RAB11FIP5: variants seen among roughly 807,000 people sequenced by gnomAD.
RAB11FIP5 encodes the protein RAB11 family interacting protein 5, also known as rab11 family-interacting protein 5.
RAB11FIP5 carries 48 observed loss-of-function variants against 85.1 expected under a neutral mutation model. The ratio of observed to expected loss-of-function variants is 0.56; its 90% CI spans 0.45 to 0.72. The LOEUF (loss-of-function observed/expected upper bound fraction) is 0.72. RAB11FIP5 is among the 30% of genes least tolerant of loss of function. The pLI, the probability that RAB11FIP5 is intolerant of heterozygous loss-of-function variation, is 0.00. For missense variants in RAB11FIP5, 1,491 were observed against 1,687.0 expected (o/e 0.88, Z 2.04); for synonymous variants, 729 against 727.3 (o/e 1.00, Z -0.04).
At position 73,089,591 on chromosome 2, in the gene RAB11FIP5, C is replaced by T. The variant is rs1684168557; in HGVS notation, c.432-276G>A. The T allele has an allele frequency of 1.4e-5, 7 of 515,924 alleles. No homozygotes were observed. The East Asian group carries it at 2.6e-4, about 19-fold the overall frequency. 32.0% of individuals were successfully genotyped at this position (515,924 alleles called of 1,614,324 possible). Reference sequence around the variant, plus strand: ...GGCGGCGGTTACCACACCATGCCTCCTCCCACCCCAGGACCTTCTCCTGGT... The same window carrying T: ...GGCGGCGGTTACCACACCATGCCTCTTCCCACCCCAGGACCTTCTCCTGGT... On this transcript the variant is annotated intron_variant, in intron 1 of 5. Coordinates refer to ENST00000486777, the MANE Select transcript of RAB11FIP5 (RefSeq NM_001371272.1). The surrounding 1 kb of genome is among the most constrained non-coding windows in gnomAD (Gnocchi z 4.6).
At chr2:73,106,428 C>G (rs1558524399) in intron 1 of RAB11FIP5, among the ~76,000 whole-genome samples, 1 of 152,200 alleles carries the variant, frequency 6.6e-6, no homozygotes, top group Non-Finnish European at 1.5e-5. Context: ...GTCTAGGCCC[C>G]AAAACACAGC....
intron 1 of RAB11FIP5, 47 bp downstream of exon 1, chr2:73,112,300 C>G (rs1438866049): frequency 3.3e-6 from 5 of 1,496,820 alleles, no homozygotes; most frequent in African/African-American, 1.4e-5. Context: ...CCAGCCCCGC[C>G]CTGTTAGGCC....
intron 1 of RAB11FIP5, among the ~76,000 whole-genome samples, chr2:73,111,462 C>T (rs1374156820): frequency 3.9e-5 from 6 of 152,292 alleles, no homozygotes; most frequent in South Asian, 4.1e-4. Context: ...CTGTCAGCCC[C>T]GGGGACTGGC....
At chr2:73,106,951 G>A (rs907482118) in intron 1 of RAB11FIP5, among the ~76,000 whole-genome samples, 7 of 152,016 alleles carry the variant, frequency 4.6e-5, no homozygotes, top group African/African-American at 1.7e-4. Flanking sequence ...TGGGAGCCCC[G>A]TTTTGGGAGG....
At chr2:73,088,024 C>A (rs1456681341) in intron 3 of RAB11FIP5, 26 bp downstream of exon 3, 8 of 1,563,398 alleles carry the variant, frequency 5.1e-6, no homozygotes, top group Non-Finnish European at 6.1e-6. Flanking sequence ...CCCCAAGGAG[C>A]AAAGTTGGTC....
At position 73,104,007 on chromosome 2, in the gene RAB11FIP5, C is replaced by T. The variant is rs185324296; in HGVS notation, c.431+8340G>A. ...TGCCAAGGTCTCAGTTCAGACCCCA[C>T]AACAGGGGGAAACAAACAATAACTT... is the stretch of plus-strand genomic sequence containing the variant. On this transcript the variant is annotated intron_variant, in intron 1 of 5. Transcript: ENST00000486777. 1.7e-4 allele frequency among the ~76,000 whole-genome samples: 26 copies of T among 152,270 alleles called. 1 individual carries two copies. In the East Asian group the frequency reaches 4.4e-3, roughly 26 times the overall value.
At position 73,081,531 on chromosome 2, in the gene RAB11FIP5, T is replaced by C; in HGVS notation, c.1701A>G (p.Ala567=). The C allele has an allele frequency of 8.2e-7, 1 of 1,223,230 alleles. No individual in the cohort carries two copies. Among genetic ancestry groups the C allele is most frequent in the Non-Finnish European group, 1.0e-6 (1 of 979,764 alleles). 75.8% of individuals were successfully genotyped at this position (1,223,230 alleles called of 1,614,324 possible). The part of the protein sequence containing the change: ...AAPMLSTNLF[A]AASPAAATAA... ...CAGTGGCAGCAGCGGGGGAGGCGGC[T>C]GCAAAAAGGTTAGTGCTTAGCATGG... Residue 567 remains alanine (A), a synonymous_variant, in exon 4 of 6, where the codon GCA becomes GCG. Transcript: ENST00000486777. The surrounding 1 kb of genome is among the most constrained non-coding windows in gnomAD (Gnocchi z 4.2).
Position 73,080,425 on chromosome 2 carries a change from T to A in RAB11FIP5, c.2807A>T (p.Asp936Val). 1 of 1,233,402 alleles carries A rather than the reference T, an allele frequency of 8.1e-7. No individual in the cohort carries two copies. The highest frequency in any genetic ancestry group is 1.0e-6 in the Non-Finnish European group (1 of 988,600). The allele number at this position is 1,233,402 out of a possible 1,614,324, so 76.4% of individuals were successfully genotyped here. ...SNRGPETEGE[D>V]ASPSALVVGP... ...GACAACCAGTGCACTTGGGGAGGCA[T>A]CTTCTCCCTCTGTCTCCGGCCCCCT... Residue 936 changes from aspartate to valine, a missense_variant, in exon 4 of 6, where the codon GAT becomes GTT. Coordinates refer to ENST00000486777, the MANE Select transcript of RAB11FIP5 (RefSeq NM_001371272.1).
Position 73,073,874 on chromosome 2 carries a change from C to T in RAB11FIP5, c.*1647G>A, listed in dbSNP as rs1186998902. On this transcript the variant is annotated 3_prime_UTR_variant, in exon 6 of 6. Coordinates refer to ENST00000486777, the MANE Select transcript of RAB11FIP5 (RefSeq NM_001371272.1). ...ATCCTGGCAGCAGACAGACATCACC[C>T]AGAGGGCACGTGTCTGCCTGAGGCC... The T allele has an allele frequency of 1.3e-5, 2 of 152,224 alleles. No homozygotes were observed. The highest frequency in any genetic ancestry group is 1.5e-5 in the Non-Finnish European group (1 of 68,052). 9.4% of individuals were successfully genotyped at this position (152,224 alleles called of 1,614,324 possible). A position where few individuals can be genotyped will look rare whatever the true frequency, so the allele number is the denominator to read the frequency against.
At chr2:73,104,904 G>C (rs1684494600) in intron 1 of RAB11FIP5, among the ~76,000 whole-genome samples, 1 of 152,194 alleles carries the variant, frequency 6.6e-6, no homozygotes, top group Non-Finnish European at 1.5e-5. Context: ...ACATATTTTA[G>C]CCCTTCTGGA....
rs1030892373 is a variant in RAB11FIP5, at chr2:73,079,756, G to A, written c.3476C>T (p.Ser1159Phe). Reference protein sequence around the residue: ...GPHEPSPPGGSPALLREDLAA... With the variant: ...GPHEPSPPGGFPALLREDLAA... ...GAGGTCCTCCCTAAGTAGGGCAGGG[G>A]AGCCCCCAGGTGGGGAGGGCTCATG... Residue 1159 changes from serine (S) to phenylalanine (F), a missense_variant, in exon 4 of 6, where the codon TCC (serine) becomes TTC (phenylalanine). Around this residue, in one of 3 missense-constraint regions of RAB11FIP5, gnomAD observed 232 missense variants for 259.1 expected, o/e 0.90. Transcript: ENST00000486777. 16 of 1,232,630 alleles carry A rather than the reference G, an allele frequency of 1.3e-5. No homozygotes were observed. The highest frequency in any genetic ancestry group is 1.6e-5 in the Non-Finnish European group (16 of 988,334). The allele number at this position is 1,232,630 out of a possible 1,614,324, so 76.4% of individuals were successfully genotyped here. A position where few individuals can be genotyped will look rare whatever the true frequency, so the allele number is the denominator to read the frequency against.
At chr2:73,110,383 G>A (rs1471798889) in intron 1 of RAB11FIP5, among the ~76,000 whole-genome samples, 2 of 152,106 alleles carry the variant, frequency 1.3e-5, no homozygotes, top group South Asian at 2.1e-4. Context: ...CTCCCCCTCT[G>A]TCAGTGGGCA....
Position 73,089,231 on chromosome 2 carries a change from G to A in RAB11FIP5, c.516C>T (p.Asn172=). Residue 172 remains asparagine, a synonymous_variant, in exon 2 of 6, where the codon AAC becomes AAT. Coordinates refer to ENST00000486777, the MANE Select transcript of RAB11FIP5 (RefSeq NM_001371272.1). This position sits in a 1 kb window ranked among gnomAD's most constrained non-coding sequence, Gnocchi z 4.6. ...IEVTIQFTRN[N]LSASMFDLSM... ...ACAGGTCAAACATACTGGCGCTCAG[G>A]TTGTTGCGCGTGAACTGGATGGTGA... 2.5e-6 allele frequency: 4 copies of A among 1,614,174 alleles called. No homozygotes were observed. The highest frequency in any genetic ancestry group is 3.4e-6 in the Non-Finnish European group (4 of 1,180,028).
rs755857377 is a variant in RAB11FIP5, at chr2:73,076,024, G to C, written c.3740C>G (p.Ala1247Gly). The C allele has an allele frequency of 6.2e-7, 1 of 1,614,000 alleles. No homozygotes were observed. ...SIQPVTQAPQ[A>G]GQMVDTKRLK... The stretch of plus-strand genomic sequence containing the variant: ...CCTTTTGGTGTCCACCATCTGGCCA[G>C]CCTGGGGGGCCTGGGTCACAGGCTG... Residue 1247 changes from alanine (A) to glycine (G), a missense_variant, in exon 5 of 6, where the codon GCT becomes GGT. Physicochemically the swap from Ala to Gly is moderately conservative, Grantham distance 60. This residue lies in a region of RAB11FIP5 where 232 missense variants were observed against 259.1 expected (regional missense o/e 0.90). Coordinates refer to ENST00000486777, the MANE Select transcript of RAB11FIP5 (RefSeq NM_001371272.1).
intron 1 of RAB11FIP5, among the ~76,000 whole-genome samples, chr2:73,106,783 A>C (rs993795293): frequency 2.0e-5 from 3 of 152,098 alleles, no homozygotes; most frequent in Non-Finnish European, 4.4e-5. Context: ...CCCTCTGCAA[A>C]CCCCAGTTTC....
Position 73,075,855 on chromosome 2 carries a change from C to A in RAB11FIP5, c.3772-131G>T. 6.9e-7 allele frequency: 1 copy of A among 1,455,812 alleles called. No individual in the cohort carries two copies. Among genetic ancestry groups the A allele is most frequent in the Non-Finnish European group, 9.3e-7 (1 of 1,069,854 alleles). The allele number at this position is 1,455,812 out of a possible 1,614,324, so 90.2% of individuals were successfully genotyped here. A position where few individuals can be genotyped will look rare whatever the true frequency, so the allele number is the denominator to read the frequency against. ...CACAGGGCCCCAGGCTGCCTGTCTC[C>A]AAAGTCAGAGCCTAACTGGCTTCAG... On this transcript the variant is annotated intron_variant, in intron 5 of 5. Coordinates refer to ENST00000486777, the MANE Select transcript of RAB11FIP5 (RefSeq NM_001371272.1). The surrounding 1 kb of genome is among the most constrained non-coding windows in gnomAD (Gnocchi z 4.6).
chr2:73,098,513 G>A (rs1022623607), intron 1 of RAB11FIP5, among the ~76,000 whole-genome samples: 1 of 152,222 alleles, frequency 6.6e-6, no homozygotes, highest in Non-Finnish European at 1.5e-5. Flanking sequence ...TTCAGCAGGT[G>A]TGAGCACTGA....
rs916450486 is a variant in RAB11FIP5, at chr2:73,093,745, G to A, written c.432-4430C>T. On this transcript the variant is annotated intron_variant, in intron 1 of 5. Coordinates refer to ENST00000486777, the MANE Select transcript of RAB11FIP5 (RefSeq NM_001371272.1). ...CTCTCACTCTCTCCCACGACCGTGA[G>A]CTCTTAGGACTCCTGCTCTTGAATC... Among the ~76,000 whole-genome samples, 4 of 152,220 alleles carry A rather than the reference G, an allele frequency of 2.6e-5. No homozygotes were observed. The East Asian group carries it at 7.7e-4, about 29-fold the overall frequency.
intron 1 of RAB11FIP5, among the ~76,000 whole-genome samples, chr2:73,109,750 C>T (rs1376063001): frequency 1.3e-5 from 2 of 152,156 alleles, no homozygotes; most frequent in Admixed American, 6.5e-5. Flanking sequence ...TGGGAACTCT[C>T]GTACTCTTCT....
Sources: allele counts gnomAD v4.1 joint callset (sites outside exome capture counted in the v4.1 genomes callset), GRCh38; gene constraint gnomAD v4.1.1; regional missense constraint gnomAD v4.1.1; non-coding constraint Gnocchi (gnomAD v3.1); transcripts MANE v1.5; gene names NCBI Gene and HGNC (gene_info 2026-07-23, HGNC 2026-07-21).